Variants in FAT3 observed in about 807,000 individuals in gnomAD.
The protein encoded by FAT3 is FAT atypical cadherin 3, also known as protocadherin Fat 3.
In FAT3, 95 loss-of-function variants were observed where a neutral mutation model predicts 310.2. The observed-to-expected ratio is 0.31, with a 90% confidence interval of 0.26 to 0.36. The LOEUF (loss-of-function observed/expected upper bound fraction) is 0.36, where lower values mean the gene tolerates loss of function less well. Among genes scored for constraint, FAT3 ranks in the 10% least tolerant of loss-of-function variants. FAT3 has a pLI of 1.00. For synonymous variants in FAT3, 2,314 were observed against 2,192.9 expected (o/e 1.06, Z -1.54); for missense variants, 5,408 against 5,715.6 (o/e 0.95, Z 1.74).
intron 1 of FAT3, among the ~76,000 whole-genome samples, chr11:92,307,080 AGC>A (rs1947161180): frequency 6.6e-6 from 1 of 151,704 alleles, no homozygotes; most frequent in South Asian, 2.1e-4. Flanking sequence ...TACAGACATG[AGC>A]CACTGTGCCT....
intron 3 of FAT3, among the ~76,000 whole-genome samples, chr11:92,658,526 G>T (rs896240976): frequency 2.6e-5 from 4 of 152,096 alleles, no homozygotes; most frequent in African/African-American, 7.2e-5. Flanking sequence ...GAGACACAGG[G>T]GAGGAGGCTG....
chr11:92,404,341 T>C (rs1176596900), intron 2 of FAT3, among the ~76,000 whole-genome samples: 1 of 152,050 alleles, frequency 6.6e-6, no homozygotes, highest in African/African-American at 2.4e-5. Context: ...GGGTACAGGA[T>C]AGCCAGAAGA....
intron 3 of FAT3, among the ~76,000 whole-genome samples, chr11:92,616,561 C>A (rs1279699491): frequency 6.6e-6 from 1 of 152,186 alleles, no homozygotes; most frequent in Non-Finnish European, 1.5e-5. Context: ...GATGCAGTTT[C>A]TTCCTAGAAT....
chr11:92,585,303 T>C (rs1939077394), intron 3 of FAT3, among the ~76,000 whole-genome samples: 1 of 152,030 alleles, frequency 6.6e-6, no homozygotes, highest in Non-Finnish European at 1.5e-5. Context: ...ATCAACATTC[T>C]TGCCAGGACA....
At chr11:92,395,219 A>T (rs1446611411) in intron 2 of FAT3, among the ~76,000 whole-genome samples, 1 of 152,194 alleles carries the variant, frequency 6.6e-6, no homozygotes, top group African/African-American at 2.4e-5. Flanking sequence ...GTAATGCTGA[A>T]CGACTTGAGT....
chr11:92,744,751 C>T (rs980671911), intron 4 of FAT3, among the ~76,000 whole-genome samples: 4 of 151,912 alleles, frequency 2.6e-5, no homozygotes, highest in African/African-American at 9.7e-5. Flanking sequence ...TAAATATTGG[C>T]AGAAATTTTT....
chr11:92,520,961 C>G (rs1264048747), intron 2 of FAT3, among the ~76,000 whole-genome samples: 1 of 152,114 alleles, frequency 6.6e-6, no homozygotes, highest in East Asian at 1.9e-4. Context: ...AAAATCCCAC[C>G]CTTGTATTTT....
chr11:92,263,842 GA>G (rs1865665642), intron 1 of FAT3, among the ~76,000 whole-genome samples: 3 of 151,764 alleles, frequency 2.0e-5, no homozygotes, highest in Non-Finnish European at 4.4e-5. Context: ...CATATTTCTA[GA>G]AGCCCCAAGA....
At chr11:92,636,633 C>G (rs1315562992) in intron 3 of FAT3, among the ~76,000 whole-genome samples, 9 of 152,148 alleles carry the variant, frequency 5.9e-5, no homozygotes, top group Admixed American at 5.9e-4. Context: ...GTAAAGTCAG[C>G]AAGATTCATG....
intron 2 of FAT3, among the ~76,000 whole-genome samples, chr11:92,479,497 G>T (rs542962395): frequency 6.6e-6 from 1 of 152,182 alleles, no homozygotes; most frequent in South Asian, 2.1e-4. Flanking sequence ...TAAAATTAAG[G>T]CTCAATATTA....
At chr11:92,574,806 A>G (rs1938383392) in intron 3 of FAT3, among the ~76,000 whole-genome samples, 1 of 152,148 alleles carries the variant, frequency 6.6e-6, no homozygotes, top group South Asian at 2.1e-4. Context: ...CACTGTACCA[A>G]GTATGTAATA....
At chr11:92,441,547 C>T (rs1037820931) in intron 2 of FAT3, among the ~76,000 whole-genome samples, 1 of 152,178 alleles carries the variant, frequency 6.6e-6, no homozygotes, top group Non-Finnish European at 1.5e-5. Context: ...ACAGTGTGTG[C>T]TGGCCTTTAA....
chr11:92,703,928 CTG>C (rs909713541), intron 4 of FAT3, among the ~76,000 whole-genome samples: 3 of 152,206 alleles, frequency 2.0e-5, no homozygotes, highest in African/African-American at 4.8e-5. Context: ...ATATTCCTAA[CTG>C]TGCTCTCACG....
intron 2 of FAT3, among the ~76,000 whole-genome samples, chr11:92,465,150 A>G (rs1951729334): frequency 6.6e-6 from 1 of 152,156 alleles, no homozygotes; most frequent in Non-Finnish European, 1.5e-5. Flanking sequence ...AAAAATTTGC[A>G]GTATTACTGT....
At chr11:92,884,855 C>G (rs1298311450) in intron 24 of FAT3, among the ~76,000 whole-genome samples, 1 of 152,112 alleles carries the variant, frequency 6.6e-6, no homozygotes, top group East Asian at 1.9e-4. Flanking sequence ...GGAGGGTGAA[C>G]TCACCAAGGG....
At chr11:92,409,218 T>C (rs1295889126) in intron 2 of FAT3, among the ~76,000 whole-genome samples, 1 of 152,086 alleles carries the variant, frequency 6.6e-6, no homozygotes, top group Non-Finnish European at 1.5e-5. Context: ...TTTGCTTTCT[T>C]TGTTAACCTG....
chr11:92,835,200 C>T lies in FAT3; in HGVS notation c.10086+116C>T. 4 of 775,720 alleles carry T rather than the reference C, an allele frequency of 5.2e-6. No homozygotes were observed. In the South Asian group the frequency reaches 8.3e-5, roughly 16 times the overall value. The allele number at this position is 775,720 out of a possible 1,614,324, so 48.1% of individuals were successfully genotyped here. A position where few individuals can be genotyped will look rare whatever the true frequency, so the allele number is the denominator to read the frequency against. Reference sequence around the variant, plus strand: ...TCTTCACACTTCCCCCTTTCAGTGTCCATTTGTCCCCAAGAATAGGAGCCA... The same window carrying T: ...TCTTCACACTTCCCCCTTTCAGTGTTCATTTGTCCCCAAGAATAGGAGCCA... On this transcript the variant is annotated intron_variant, in intron 15 of 27. Transcript: ENST00000525166.
intron 4 of FAT3, chr11:92,749,177 A>G (rs766594901): frequency 1.2e-4 from 19 of 152,244 alleles, no homozygotes; most frequent in Admixed American, 3.9e-4. Flanking sequence ...CGTAAACATT[A>G]CATCTACTTT....
chr11:92,482,398 T>C (rs1276463875), intron 2 of FAT3, among the ~76,000 whole-genome samples: 1 of 152,162 alleles, frequency 6.6e-6, no homozygotes, highest in Non-Finnish European at 1.5e-5. Context: ...CTCAGCACTT[T>C]TTAATCCTTA....
Sources: gnomAD v4.1 joint callset for allele counts (sites outside exome capture counted in the v4.1 genomes callset) on GRCh38, gnomAD v4.1.1 for gene constraint, MANE v1.5 for transcripts, NCBI Gene and HGNC (gene_info 2026-07-23, HGNC 2026-07-21) for gene names.